The following NCKAP5 variants were observed in gnomAD, a reference collection of about 807,000 sequenced individuals.
The protein encoded by NCKAP5 is nck-associated protein 5.
A neutral mutation model predicts 167.0 loss-of-function variants in NCKAP5; 92 were observed. The observed-to-expected ratio is 0.55, with a 90% CI of 0.47 to 0.66. The LOEUF (loss-of-function observed/expected upper bound fraction) is 0.66. Among genes scored for constraint, NCKAP5 ranks in the 30% least tolerant of loss-of-function variants. The pLI is 0.00. For synonymous variants in NCKAP5, 891 were observed against 877.4 expected (o/e 1.02, Z -0.27); for missense variants, 2,378 against 2,315.0 (o/e 1.03, Z -0.56).
intron 11 of NCKAP5, among the ~76,000 whole-genome samples, chr2:132,857,418 G>A (rs1193127463): frequency 3.9e-5 from 6 of 152,032 alleles, no homozygotes. Context: ...ACTCATTCTT[G>A]GCAAGTATTC....
intron 6 of NCKAP5, among the ~76,000 whole-genome samples, chr2:133,016,495 G>T (rs568137892): frequency 2.0e-5 from 3 of 152,298 alleles, no homozygotes; most frequent in African/African-American, 7.2e-5. Flanking sequence ...CTTCCCAAGA[G>T]ATTTGGAATG....
intron 3 of NCKAP5, among the ~76,000 whole-genome samples, chr2:133,421,764 C>G (rs1364880236): frequency 6.6e-6 from 1 of 152,238 alleles, no homozygotes; most frequent in Non-Finnish European, 1.5e-5. Context: ...GATCTGACAG[C>G]CTCAGTCAGC....
intron 6 of NCKAP5, among the ~76,000 whole-genome samples, chr2:133,121,384 C>T (rs1369076338): frequency 3.3e-5 from 5 of 151,918 alleles, no homozygotes; most frequent in African/African-American, 1.2e-4. Context: ...AGGGTTATTG[C>T]CATAAGGTCA....
At chr2:133,546,967 C>T (rs920333993) in intron 2 of NCKAP5, among the ~76,000 whole-genome samples, 14 of 152,248 alleles carry the variant, frequency 9.2e-5, no homozygotes, top group African/African-American at 3.1e-4. Context: ...TCTGAGGTAC[C>T]GGGTTTATCT....
chr2:133,503,130 T>C (rs900728060), intron 3 of NCKAP5, among the ~76,000 whole-genome samples: 2 of 152,212 alleles, frequency 1.3e-5, no homozygotes, highest in Non-Finnish European at 2.9e-5. Flanking sequence ...CTTTACTTGG[T>C]AGTAAACCCA....
intron 11 of NCKAP5, among the ~76,000 whole-genome samples, chr2:132,841,348 G>A (rs1188758764): frequency 7.2e-5 from 11 of 152,006 alleles, no homozygotes; most frequent in Non-Finnish European, 1.6e-4. Context: ...ATTGAATAAA[G>A]AGATTACAGC....
intron 3 of NCKAP5, among the ~76,000 whole-genome samples, chr2:133,370,046 T>C (rs1685700754): frequency 6.6e-6 from 1 of 152,314 alleles, no homozygotes; most frequent in South Asian, 2.1e-4. Context: ...CCACTTAATG[T>C]GTAACTGGTA....
intron 6 of NCKAP5, among the ~76,000 whole-genome samples, chr2:133,112,819 A>G (rs1156939133): frequency 3.3e-5 from 5 of 152,200 alleles, no homozygotes; most frequent in African/African-American, 1.2e-4. Flanking sequence ...AAATGCCACT[A>G]AATGGGGCAC....
chr2:133,104,685 C>G (rs2081624650), intron 6 of NCKAP5, among the ~76,000 whole-genome samples: 1 of 152,178 alleles, frequency 6.6e-6, no homozygotes. Context: ...CCTACTTATG[C>G]AATAACAAAG....
chr2:133,556,234 G>A (rs1437698300), intron 2 of NCKAP5, among the ~76,000 whole-genome samples: 1 of 152,138 alleles, frequency 6.6e-6, no homozygotes, highest in Non-Finnish European at 1.5e-5. Flanking sequence ...ATACTTAGGT[G>A]CAATTATCTG....
chr2:132,680,599 A>G (rs997231758), intron 19 of NCKAP5, among the ~76,000 whole-genome samples: 1 of 152,182 alleles, frequency 6.6e-6, no homozygotes, highest in Non-Finnish European at 1.5e-5. Flanking sequence ...TTTTGAAGAT[A>G]AACAATGGCT....
intron 3 of NCKAP5, among the ~76,000 whole-genome samples, chr2:133,507,339 T>G (rs1683101430): frequency 6.6e-6 from 1 of 152,102 alleles, no homozygotes; most frequent in South Asian, 2.1e-4. Flanking sequence ...CCTCTACACA[T>G]CTATGTGCAT....
At chr2:133,040,360 T>C (rs1489994864) in intron 6 of NCKAP5, among the ~76,000 whole-genome samples, 1 of 152,152 alleles carries the variant, frequency 6.6e-6, no homozygotes, top group Non-Finnish European at 1.5e-5. Flanking sequence ...AATACTTCTC[T>C]AGTATTTCTT....
chr2:132,910,515 G>GA (rs1694363434), intron 8 of NCKAP5, among the ~76,000 whole-genome samples: 1 of 152,026 alleles, frequency 6.6e-6, no homozygotes. Context: ...TGAAAACATG[G>GA]AATGTTTGTC....
chr2:133,165,956 G>T (rs368692832), intron 5 of NCKAP5, among the ~76,000 whole-genome samples: 13 of 152,288 alleles, frequency 8.5e-5, no homozygotes, highest in African/African-American at 1.9e-4. Flanking sequence ...TTGAGTGCCT[G>T]CTCTACGCTG....
intron 2 of NCKAP5, among the ~76,000 whole-genome samples, chr2:133,549,500 G>C (rs1473984850): frequency 1.4e-5 from 2 of 146,362 alleles, no homozygotes; most frequent in Non-Finnish European, 3.0e-5. Context: ...TGACTACTGG[G>C]TACATAATGA....
intron 6 of NCKAP5, among the ~76,000 whole-genome samples, chr2:133,046,917 A>T (rs2079421339): frequency 6.6e-6 from 1 of 152,102 alleles, no homozygotes; most frequent in Non-Finnish European, 1.5e-5. Flanking sequence ...GACATCCTTG[A>T]ACCTGCCTTT....
chr2:133,437,101 C>A (rs1690532655), intron 3 of NCKAP5, among the ~76,000 whole-genome samples: 1 of 152,114 alleles, frequency 6.6e-6, no homozygotes, highest in South Asian at 2.1e-4. Context: ...CTCCCGTAAT[C>A]CCAGCACTTT....
At chr2:133,411,341 T>G (rs1688760314) in intron 3 of NCKAP5, among the ~76,000 whole-genome samples, 1 of 152,158 alleles carries the variant, frequency 6.6e-6, no homozygotes, top group Non-Finnish European at 1.5e-5. Flanking sequence ...TATAATATTT[T>G]TGGCATAAGT....
Sources: gnomAD v4.1 joint callset for allele counts (sites outside exome capture counted in the v4.1 genomes callset) on GRCh38, gnomAD v4.1.1 for gene constraint, MANE v1.5 for transcripts, NCBI Gene and HGNC (gene_info 2026-07-23, HGNC 2026-07-21) for gene names.